The following BICDL1 variants were observed in gnomAD, a reference collection of about 807,000 sequenced individuals.
The protein encoded by BICDL1 is BICD family-like cargo adapter 1.
In BICDL1, 20 loss-of-function variants were observed where a neutral mutation model predicts 76.8. The ratio of observed to expected loss-of-function variants is 0.26; its 90% CI spans 0.18 to 0.38. BICDL1 has a LOEUF of 0.38. Ranked by LOEUF, BICDL1 falls within the 10% of genes least tolerant of loss-of-function variation. The pLI is 1.00. For synonymous variants in BICDL1, 383 were observed against 337.1 expected, an observed-to-expected ratio of 1.14 and a Z score of -1.49; for missense variants, 700 against 798.6, an observed-to-expected ratio of 0.88 and a Z score of 1.49.
At chr12:120,083,515 G>A (rs945607691) in intron 8 of BICDL1, among the ~76,000 whole-genome samples, 2 of 152,100 alleles carry the variant, frequency 1.3e-5, no homozygotes, top group African/African-American at 4.8e-5. Flanking sequence ...TGCCCAAAGT[G>A]CTGAGATTAT....
chr12:120,022,651 CA>C (rs1952208475), intron 2 of BICDL1, among the ~76,000 whole-genome samples: 1 of 151,892 alleles, frequency 6.6e-6, no homozygotes, highest in Non-Finnish European at 1.5e-5. Flanking sequence ...CTTATAAAAA[CA>C]TACACAAACT....
chr12:120,081,760 T>C (rs1245088622), intron 8 of BICDL1, among the ~76,000 whole-genome samples: 1 of 151,756 alleles, frequency 6.6e-6, no homozygotes, highest in Non-Finnish European at 1.5e-5. Flanking sequence ...AAATAGAAGA[T>C]ATAAGATGAC....
chr12:120,045,037 A>G (rs1325499307), intron 2 of BICDL1, among the ~76,000 whole-genome samples: 2 of 152,218 alleles, frequency 1.3e-5, no homozygotes, highest in Non-Finnish European at 2.9e-5. Context: ...ACAAAGGGCT[A>G]ATATCCAGAA....
intron 2 of BICDL1, among the ~76,000 whole-genome samples, chr12:120,018,429 G>A (rs1333184403): frequency 6.6e-6 from 1 of 152,152 alleles, no homozygotes; most frequent in Non-Finnish European, 1.5e-5. Flanking sequence ...GAACCTTTCA[G>A]GTAAGCCTTT....
intron 4 of BICDL1, among the ~76,000 whole-genome samples, chr12:120,066,695 C>T (rs1953229261): frequency 6.6e-6 from 1 of 152,186 alleles, no homozygotes; most frequent in Non-Finnish European, 1.5e-5. Context: ...GAATTCTCAT[C>T]TTCTCTAACA....
At chr12:120,032,113 G>T (rs1471167779) in intron 2 of BICDL1, among the ~76,000 whole-genome samples, 1 of 152,074 alleles carries the variant, frequency 6.6e-6, no homozygotes, top group East Asian at 1.9e-4. Context: ...ACTTCCCACT[G>T]TATCTTCCCT....
chr12:120,091,862 G>A (rs59168361), intron 9 of BICDL1: 96,361 of 985,178 alleles, frequency 0.098, 5,694 homozygotes, highest in East Asian at 0.41. Context: ...CCCTCATCTC[G>A]TCAGTGGCTG....
chr12:120,070,866 G>A (rs890779768), intron 4 of BICDL1, among the ~76,000 whole-genome samples: 6 of 151,760 alleles, frequency 4.0e-5, no homozygotes, highest in Admixed American at 2.0e-4. Context: ...CGAGTAGCTG[G>A]GATTACAGGC....
intron 7 of BICDL1, among the ~76,000 whole-genome samples, chr12:120,077,574 T>C (rs1873652147): frequency 6.6e-6 from 1 of 152,234 alleles, no homozygotes; most frequent in Non-Finnish European, 1.5e-5. Context: ...CCTTCATGCT[T>C]GACTCGAGTG....
intron 2 of BICDL1, among the ~76,000 whole-genome samples, chr12:120,005,482 T>A (rs1403541331): frequency 6.6e-6 from 1 of 152,176 alleles, no homozygotes. Flanking sequence ...TAAATGATTC[T>A]TGTGTCTCAG....
chr12:120,072,385 C>A, intron 5 of BICDL1, 126 bp from the exon 6 acceptor site: 5 of 827,632 alleles, frequency 6.0e-6, no homozygotes, highest in South Asian at 1.7e-5. Context: ...AAACACAGAA[C>A]AAAAAACCCT....
intron 2 of BICDL1, among the ~76,000 whole-genome samples, chr12:120,020,999 A>C (rs916138832): frequency 2.0e-5 from 3 of 152,206 alleles, no homozygotes; most frequent in Non-Finnish European, 4.4e-5. Context: ...ACAAAAAAAA[A>C]CACTGGTCTC....
Position 120,071,859 on chromosome 12 carries a change from C to A in BICDL1, c.1089+58C>A. The stretch of plus-strand genomic sequence containing the variant: ...CTACCTGGGGTTGCTTAGGTCTCAT[C>A]CTCCTCCCTAGTGCTCAGCTGCCAT... On this transcript the variant is annotated intron_variant, in intron 5 of 9. Transcript: ENST00000548673. This position sits in a 1 kb window ranked among gnomAD's most constrained non-coding sequence, Gnocchi z 4.8. 2 of 1,486,588 alleles carry A rather than the reference C, an allele frequency of 1.3e-6. No homozygotes were observed. Among genetic ancestry groups the A allele is most frequent in the Non-Finnish European group, 1.8e-6 (2 of 1,117,878 alleles). 92.1% of individuals were successfully genotyped at this position (1,486,588 alleles called of 1,614,324 possible).
At chr12:120,018,213 G>T (rs1294125848) in intron 2 of BICDL1, among the ~76,000 whole-genome samples, 13 of 152,202 alleles carry the variant, frequency 8.5e-5, no homozygotes, top group Non-Finnish European at 1.5e-5. Flanking sequence ...TGGGCATCTA[G>T]ATTTTTAAAA....
intron 2 of BICDL1, among the ~76,000 whole-genome samples, chr12:120,024,535 T>A (rs545232075): frequency 6.6e-6 from 1 of 152,264 alleles, no homozygotes; most frequent in African/African-American, 2.4e-5. Context: ...AAGATAAGTA[T>A]AAACCCACAG....
chr12:120,035,153 T>C (rs1263164119), intron 2 of BICDL1, among the ~76,000 whole-genome samples: 1 of 152,122 alleles, frequency 6.6e-6, no homozygotes, highest in Admixed American at 6.5e-5. Context: ...CTGGCCAACA[T>C]GGCAAAACCC....
chr12:120,004,163 T>C (rs190426227), intron 2 of BICDL1, among the ~76,000 whole-genome samples: 15 of 152,346 alleles, frequency 9.8e-5, no homozygotes, highest in Admixed American at 8.5e-4. Context: ...TTAAAATAAT[T>C]ATTTTTTCTT....
chr12:120,042,705 T>C (rs1346072476), intron 2 of BICDL1, among the ~76,000 whole-genome samples: 4 of 151,212 alleles, frequency 2.6e-5, no homozygotes, highest in African/African-American at 9.7e-5. Flanking sequence ...CTCAGGAGAC[T>C]GAGGCAGGAG....
intron 9 of BICDL1, chr12:120,092,422 C>T: frequency 1.0e-6 from 1 of 985,462 alleles, no homozygotes. Flanking sequence ...ATGGGAGCCT[C>T]AGCAGCAGGG....
Sources: gnomAD v4.1 joint callset for allele counts (sites outside exome capture counted in the v4.1 genomes callset) on GRCh38, gnomAD v4.1.1 for gene constraint, Gnocchi (gnomAD v3.1) non-coding constraint, MANE v1.5 for transcripts, NCBI Gene and HGNC (gene_info 2026-07-23, HGNC 2026-07-21) for gene names.